Variants in PARD3B observed in about 807,000 individuals in gnomAD.
The protein encoded by PARD3B is partitioning defective 3 homolog B.
Under a neutral mutation model 130.2 loss-of-function variants are expected in PARD3B, and 103 were observed. The observed-to-expected ratio is 0.79, with a 90% CI of 0.67 to 0.93. The LOEUF (loss-of-function observed/expected upper bound fraction) is 0.93, where lower values mean the gene tolerates loss of function less well. PARD3B is among the 40% of genes least tolerant of loss of function. The probability of loss-of-function intolerance (pLI) is 0.00; values close to 1 mark genes in which losing one functional copy is unlikely to be tolerated. For missense variants in PARD3B, 1,609 were observed against 1,499.2 expected (o/e 1.07, Z -1.21); for synonymous variants, 583 against 553.2 (o/e 1.05, Z -0.76).
chr2:205,571,981 A>C (rs2053574259), intron 22 of PARD3B, among the ~76,000 whole-genome samples: 1 of 152,230 alleles, frequency 6.6e-6, no homozygotes, highest in African/African-American at 2.4e-5. Flanking sequence ...ATTTGTGTTA[A>C]CTGGGCAGCT....
At chr2:205,110,591 A>G (rs1703558183) in intron 5 of PARD3B, among the ~76,000 whole-genome samples, 2 of 150,984 alleles carry the variant, frequency 1.3e-5, no homozygotes, top group African/African-American at 4.9e-5. Context: ...TGTATAACCA[A>G]AATATTTTTC....
intron 15 of PARD3B, among the ~76,000 whole-genome samples, chr2:205,212,522 A>C (rs1429764420): frequency 6.6e-6 from 1 of 152,128 alleles, no homozygotes; most frequent in Non-Finnish European, 1.5e-5. Flanking sequence ...GATTGCCAAC[A>C]AGCTGGGACA....
intron 4 of PARD3B, among the ~76,000 whole-genome samples, chr2:205,077,524 C>T (rs1038099430): frequency 2.0e-5 from 3 of 152,106 alleles, no homozygotes; most frequent in African/African-American, 7.2e-5. Flanking sequence ...TTAGAGAAAG[C>T]CGTGAAGTTC....
At chr2:204,865,238 C>T (rs917316977) in intron 2 of PARD3B, among the ~76,000 whole-genome samples, 1 of 152,152 alleles carries the variant, frequency 6.6e-6, no homozygotes, top group Non-Finnish European at 1.5e-5. Flanking sequence ...AAAAGTAGAT[C>T]TACCATTTGA....
chr2:205,395,214 ATACTTACCCAC>A (rs1392870597), intron 18 of PARD3B, among the ~76,000 whole-genome samples: 1 of 149,082 alleles, frequency 6.7e-6, no homozygotes, highest in Non-Finnish European at 1.5e-5. Flanking sequence ...ACAGACACTT[ATACTTACCCAC>A]CATTCACTCT....
At chr2:205,399,788 C>T (rs1012694353) in intron 18 of PARD3B, among the ~76,000 whole-genome samples, 2 of 152,194 alleles carry the variant, frequency 1.3e-5, no homozygotes, top group Non-Finnish European at 2.9e-5. Context: ...CTCAGGAATG[C>T]TCAGAACATA....
intron 3 of PARD3B, among the ~76,000 whole-genome samples, chr2:204,993,955 T>G (rs1409225606): frequency 4.9e-4 from 74 of 151,504 alleles, no homozygotes; most frequent in African/African-American, 1.5e-3. Context: ...TTGCATCTAT[T>G]TGATTCATCT....
At chr2:205,370,456 C>T (rs1574832078) in intron 18 of PARD3B, among the ~76,000 whole-genome samples, 1 of 152,144 alleles carries the variant, frequency 6.6e-6, no homozygotes, top group Admixed American at 6.5e-5. Flanking sequence ...CAGCATGGCA[C>T]CCATATCCTG....
intron 2 of PARD3B, among the ~76,000 whole-genome samples, chr2:204,775,277 C>G (rs867188708): frequency 6.6e-6 from 1 of 152,102 alleles, no homozygotes; most frequent in South Asian, 2.1e-4. Flanking sequence ...AATCACTAAT[C>G]TTGGACAGTT....
chr2:205,181,610 A>C (rs1576099058), intron 13 of PARD3B, among the ~76,000 whole-genome samples: 1 of 152,270 alleles, frequency 6.6e-6, no homozygotes. Flanking sequence ...TTGCAAAGGC[A>C]GGTGGCAAGC....
chr2:205,339,643 A>C (rs973888457), intron 18 of PARD3B, among the ~76,000 whole-genome samples: 1 of 152,238 alleles, frequency 6.6e-6, no homozygotes, highest in Non-Finnish European at 1.5e-5. Context: ...TCTGCTAAGA[A>C]AAATAAAGTA....
chr2:205,217,888 A>AT (rs1559553094), intron 15 of PARD3B, among the ~76,000 whole-genome samples: 5 of 75,076 alleles, frequency 6.7e-5, no homozygotes, highest in African/African-American at 2.4e-4. Context: ...ATATATATAT[A>AT]TATATATTTT....
intron 1 of PARD3B, among the ~76,000 whole-genome samples, chr2:204,670,718 G>A (rs1388499624): frequency 1.3e-5 from 2 of 152,024 alleles, no homozygotes; most frequent in East Asian, 1.9e-4. Flanking sequence ...TGCATATTCA[G>A]TGTTTTTACT....
At chr2:205,455,672 A>C (rs1011166027) in intron 20 of PARD3B, among the ~76,000 whole-genome samples, 1 of 151,920 alleles carries the variant, frequency 6.6e-6, no homozygotes, top group Non-Finnish European at 1.5e-5. Context: ...GTTATTTTTA[A>C]CTTTTTATTT....
chr2:204,798,716 C>T (rs1360338476), intron 2 of PARD3B, among the ~76,000 whole-genome samples: 3 of 152,042 alleles, frequency 2.0e-5, no homozygotes, highest in African/African-American at 7.2e-5. Context: ...TATGATAGGG[C>T]ACTGGGCAGT....
At chr2:204,840,893 G>A (rs2125587298) in intron 2 of PARD3B, among the ~76,000 whole-genome samples, 1 of 152,172 alleles carries the variant, frequency 6.6e-6, no homozygotes, top group South Asian at 2.1e-4. Context: ...AAGCTTTATT[G>A]TATGTAAGTA....
chr2:205,260,606 G>A (rs991585077), intron 16 of PARD3B, among the ~76,000 whole-genome samples: 4 of 152,092 alleles, frequency 2.6e-5, no homozygotes, highest in African/African-American at 4.8e-5. Flanking sequence ...TGGAGTACTG[G>A]CAGGACACTG....
At chr2:204,874,558 G>A (rs931008328) in intron 2 of PARD3B, among the ~76,000 whole-genome samples, 8 of 152,076 alleles carry the variant, frequency 5.3e-5, no homozygotes, top group Non-Finnish European at 1.0e-4. Flanking sequence ...ATACAAGGTA[G>A]GGTAAAATTT....
At chr2:204,826,536 A>C (rs573566854) in intron 2 of PARD3B, among the ~76,000 whole-genome samples, 62 of 152,306 alleles carry the variant, frequency 4.1e-4, no homozygotes, top group African/African-American at 1.3e-3. Context: ...ATATTCAGAT[A>C]TTTATTGTTA....
Sources: gnomAD v4.1 joint callset for allele counts (sites outside exome capture counted in the v4.1 genomes callset) on GRCh38, gnomAD v4.1.1 for gene constraint, MANE v1.5 for transcripts, NCBI Gene and HGNC (gene_info 2026-07-23, HGNC 2026-07-21) for gene names.